Variants in HAVCR2 observed in about 807,000 individuals in gnomAD.
HAVCR2 encodes the protein hepatitis A virus cellular receptor 2, also known as T cell immunoglobulin mucin 3.
In HAVCR2, 13 loss-of-function variants were observed where a neutral mutation model predicts 24.7. That is an observed-to-expected ratio of 0.53 (90% CI 0.34 to 0.84). HAVCR2 has a LOEUF of 0.84. HAVCR2 is among the 40% of genes least tolerant of loss of function. The probability of loss-of-function intolerance (pLI) is 0.01; values close to 1 mark genes in which losing one functional copy is unlikely to be tolerated. For synonymous variants in HAVCR2, 154 were observed against 143.4 expected (o/e 1.07, Z -0.53); for missense variants, 343 against 371.2 (o/e 0.92, Z 0.62).
intron 3 of HAVCR2, among the ~76,000 whole-genome samples, chr5:157,100,010 T>C (rs1757146996): frequency 6.6e-6 from 1 of 152,210 alleles, no homozygotes; most frequent in South Asian, 2.1e-4. Context: ...CTCCATTTTC[T>C]TAAATAAGTT....
rs762090318 is a variant in HAVCR2 at position 157,095,432 on chromosome 5, G to A, written c.550C>T (p.Arg184Trp). The change falls in exon 5 of 7, where the codon CGG (arginine) becomes TGG (tryptophan). Residue 184 changes from arginine (R) to tryptophan (W), a missense_variant. Coordinates refer to ENST00000307851, the MANE Select transcript of HAVCR2 (RefSeq NM_032782.5). Reference protein sequence around the residue: ...TQISTLANELRDSRLANDLRD... With the variant: ...TQISTLANELWDSRLANDLRD... ...AAGTCATTGGCCAATCTAGAGTCCCGTAACTCATTGGCCAATGTGGATATT... is the reference window on the plus strand; with the variant it reads ...AAGTCATTGGCCAATCTAGAGTCCCATAACTCATTGGCCAATGTGGATATT... 10 of 1,613,894 alleles carry A rather than the reference G, an allele frequency of 6.2e-6. No homozygotes were observed. In the East Asian group the frequency reaches 6.7e-5, roughly 11 times the overall value.
chr5:157,107,271 C>T (rs1757266908), intron 1 of HAVCR2: 1 of 286,188 alleles, frequency 3.5e-6, no homozygotes, highest in African/African-American at 2.1e-5. Flanking sequence ...CTCAGAACCT[C>T]ACTTTCAGAA....
intron 3 of HAVCR2, among the ~76,000 whole-genome samples, chr5:157,102,795 C>T (rs1412674934): frequency 6.6e-6 from 1 of 151,834 alleles, no homozygotes; most frequent in Non-Finnish European, 1.5e-5. Context: ...ATTAGCGGGG[C>T]GTGGTGGCGC....
chr5:157,093,523 G>A (rs988544476), intron 5 of HAVCR2, among the ~76,000 whole-genome samples: 19 of 152,062 alleles, frequency 1.2e-4, no homozygotes, highest in Admixed American at 1.2e-3. Context: ...CTAATCTGAG[G>A]TGATTGCTCA....
rs972756574 is a variant in HAVCR2 at position 157,086,339 on chromosome 5, G to C, written c.*763C>G. The C allele has an allele frequency of 1.3e-5, 2 of 152,226 alleles. No individual in the cohort carries two copies. Among genetic ancestry groups the C allele is most frequent in the African/African-American group, 2.4e-5 (1 of 41,460 alleles). The allele number at this position is 152,226 out of a possible 1,614,324, so 9.4% of individuals were successfully genotyped here. On this transcript the variant is annotated 3_prime_UTR_variant, in exon 7 of 7. Transcript: ENST00000307851. ...TCAAGATCAAGGTAGACCTGGTCCA[G>C]TCATCTCTTAATCTTTTAAGGATCA... is the stretch of plus-strand genomic sequence containing the variant.
intron 6 of HAVCR2, among the ~76,000 whole-genome samples, chr5:157,087,902 CAAA>C (rs753842431): frequency 4.5e-5 from 4 of 88,870 alleles, no homozygotes; most frequent in Admixed American, 1.2e-4. Context: ...GACTCCGTCT[CAAA>C]AAAAAAAAAA....
rs1158869244 is a variant in HAVCR2, at chr5:157,106,934, C to G, written c.87G>C (p.Glu29Asp). 4 of 1,613,894 alleles carry G rather than the reference C, an allele frequency of 2.5e-6. No individual in the cohort carries two copies. The highest frequency in any genetic ancestry group is 3.4e-6 in the Non-Finnish European group (4 of 1,179,888). The stretch of plus-strand genomic sequence containing the variant: ...AGGGCAGATAGGCATTCTGACCGAC[C>G]TCCGCTCTGTATTCCACTTCTGAGG... ...TRSSEVEYRA[E>D]VGQNAYLPCF... Residue 29 changes from glutamate to aspartate, a missense_variant, in exon 2 of 7, where the codon GAG (glutamate) becomes GAC (aspartate). Glu to Asp is a conservative substitution (Grantham distance 45). Coordinates refer to ENST00000307851, the MANE Select transcript of HAVCR2 (RefSeq NM_032782.5).
At chr5:157,087,397 G>T in intron 6 of HAVCR2, 103 bp from the exon 7 acceptor site, 1 of 914,864 alleles carries the variant, frequency 1.1e-6, no homozygotes, top group Non-Finnish European at 1.6e-6. Context: ...TAAATATAGT[G>T]CATGATCTTT....
intron 3 of HAVCR2, among the ~76,000 whole-genome samples, chr5:157,103,127 G>A (rs1192493333): frequency 6.6e-6 from 1 of 152,084 alleles, no homozygotes; most frequent in African/African-American, 2.4e-5. Flanking sequence ...ACTTTGGGAG[G>A]CCGAGGCGGG....
intron 5 of HAVCR2, among the ~76,000 whole-genome samples, chr5:157,092,195 T>C (rs987581370): frequency 1.7e-4 from 26 of 150,558 alleles, no homozygotes; most frequent in African/African-American, 6.3e-4. Flanking sequence ...AAGTGGTCTC[T>C]AATATATATA....
intron 6 of HAVCR2, among the ~76,000 whole-genome samples, chr5:157,087,702 G>C (rs992325104): frequency 6.6e-6 from 1 of 151,760 alleles, no homozygotes; most frequent in African/African-American, 2.4e-5. Flanking sequence ...TCAGGAGTTC[G>C]AGACCAGCCT....
chr5:157,098,581 A>G (rs538400374), intron 4 of HAVCR2, among the ~76,000 whole-genome samples: 12 of 152,232 alleles, frequency 7.9e-5, no homozygotes, highest in Non-Finnish European at 1.6e-4. Context: ...CAGTTGTGAA[A>G]TTGAAGAATA....
chr5:157,104,663 T>C lies in HAVCR2; in HGVS notation c.478+3A>G, dbSNP rs1411071984. 5 of 1,594,340 alleles carry C rather than the reference T, an allele frequency of 3.1e-6. No individual in the cohort carries two copies. The highest frequency in any genetic ancestry group is 4.3e-6 in the Non-Finnish European group (5 of 1,167,236). On this transcript the variant is annotated splice_donor_region_variant and intron_variant, in intron 3 of 6. Coordinates refer to ENST00000307851, the MANE Select transcript of HAVCR2 (RefSeq NM_032782.5). The stretch of plus-strand genomic sequence containing the variant: ...TTCCCTCCTCTGCCCCATGCATAGT[T>C]ACCTGGGCCATGTCCCCTGGTGGTA...
intron 4 of HAVCR2, among the ~76,000 whole-genome samples, chr5:157,095,725 A>G (rs75755605): frequency 6.6e-5 from 10 of 151,268 alleles, no homozygotes; most frequent in African/African-American, 1.7e-4. Flanking sequence ...AAAAAAAAAA[A>G]AGAGAGAAGG....
intron 2 of HAVCR2, 99 bp downstream of exon 2, chr5:157,106,528 G>A (rs997311675): frequency 3.0e-6 from 3 of 1,006,470 alleles, no homozygotes; most frequent in African/African-American, 1.6e-5. Context: ...CTCCTCCAGG[G>A]CTATAATTAG....
chr5:157,108,939 C>T lies in HAVCR2; in HGVS notation c.45G>A (p.Leu15=), dbSNP rs1384629793. ...LPFDCVLLLL[L]LLLTRSSEVE... ...GCCGAGACTTACTTGTAAGTAGTAGCAGCAGCAGCAGCAGGACACAGTCAA... is the reference window on the plus strand; with the variant it reads ...GCCGAGACTTACTTGTAAGTAGTAGTAGCAGCAGCAGCAGGACACAGTCAA... The change falls in exon 1 of 7, where the codon CTG becomes CTA. Residue 15 remains leucine (L), a synonymous_variant. Transcript: ENST00000307851. The T allele has an allele frequency of 1.3e-6, 2 of 1,558,102 alleles. No individual in the cohort carries two copies. Among genetic ancestry groups the T allele is most frequent in the Non-Finnish European group, 1.8e-6 (2 of 1,138,868 alleles).
At chr5:157,104,305 C>T (rs919746) in intron 3 of HAVCR2, among the ~76,000 whole-genome samples, 126,950 of 152,194 alleles carry the variant, frequency 0.83, 53,073 homozygotes, top group East Asian at 0.99. Flanking sequence ...GTGTCAGTTC[C>T]CAAACACAGA....
chr5:157,095,581 A>G, intron 4 of HAVCR2, 122 bp from the exon 5 acceptor site: 1 of 991,098 alleles, frequency 1.0e-6, no homozygotes, highest in Non-Finnish European at 1.5e-6. Flanking sequence ...AGTCCTTCAA[A>G]TCACCTTTGA....
chr5:157,093,779 T>C (rs1323534047), intron 5 of HAVCR2, among the ~76,000 whole-genome samples: 1 of 152,106 alleles, frequency 6.6e-6, no homozygotes, highest in East Asian at 1.9e-4. Context: ...ACCCTGTCTC[T>C]ACTAAAAATA....
Sources: gnomAD v4.1 joint callset for allele counts (sites outside exome capture counted in the v4.1 genomes callset) on GRCh38, gnomAD v4.1.1 for gene constraint, MANE v1.5 for transcripts, NCBI Gene and HGNC (gene_info 2026-07-23, HGNC 2026-07-21) for gene names.